Variants in FER observed in about 807,000 individuals in gnomAD.
The protein encoded by FER is FER tyrosine kinase.
A neutral mutation model predicts 111.0 loss-of-function variants in FER; 63 were observed. The ratio of observed to expected loss-of-function variants is 0.57; its 90% confidence interval spans 0.46 to 0.70. The LOEUF (loss-of-function observed/expected upper bound fraction) is 0.70, where lower values mean the gene tolerates loss of function less well. Ranked by LOEUF, FER falls within the 30% of genes least tolerant of loss-of-function variation. The pLI, the probability that FER is intolerant of heterozygous loss-of-function variation, is 0.00. For synonymous variants in FER, 327 were observed against 313.9 expected, an observed-to-expected ratio of 1.04 and a Z score of -0.44; for missense variants, 914 against 954.0, an observed-to-expected ratio of 0.96 and a Z score of 0.55.
At chr5:108,974,171 A>G (rs1424811833) in intron 13 of FER, among the ~76,000 whole-genome samples, 3 of 152,222 alleles carry the variant, frequency 2.0e-5, no homozygotes, top group Non-Finnish European at 4.4e-5. Context: ...AGTGATGACT[A>G]TGACAATATT....
At chr5:108,753,642 T>C (rs1750744951) in intron 1 of FER, among the ~76,000 whole-genome samples, 1 of 152,262 alleles carries the variant, frequency 6.6e-6, no homozygotes, top group South Asian at 2.1e-4. Context: ...TTTTTAAATT[T>C]AATAATACCC....
chr5:108,971,515 T>G (rs1760662179), intron 13 of FER, among the ~76,000 whole-genome samples: 1 of 152,142 alleles, frequency 6.6e-6, no homozygotes, highest in Non-Finnish European at 1.5e-5. Context: ...TAAAGCAAAA[T>G]TTTACTGCCA....
Position 109,191,956 on chromosome 5 carries a change from A to G in FER, c.*4381A>G, listed in dbSNP as rs1327858357. The G allele has an allele frequency of 6.6e-6, 1 of 152,190 alleles. No individual in the cohort carries two copies. Among genetic ancestry groups the G allele is most frequent in the Admixed American group, 6.5e-5 (1 of 15,270 alleles). The allele number at this position is 152,190 out of a possible 1,614,324, so 9.4% of individuals were successfully genotyped here. A position where few individuals can be genotyped will look rare whatever the true frequency, so the allele number is the denominator to read the frequency against. ...AAAAATGCTGTCCTACAGAAGGTGT[A>G]TAAACTATACCTTAGCCATAATTCA... On this transcript the variant is annotated 3_prime_UTR_variant, in exon 20 of 20. Coordinates refer to ENST00000281092, the MANE Select transcript of FER (RefSeq NM_005246.4).
intron 13 of FER, among the ~76,000 whole-genome samples, chr5:108,974,598 C>G (rs531344923): frequency 6.6e-6 from 1 of 152,146 alleles, no homozygotes; most frequent in Non-Finnish European, 1.5e-5. Context: ...CATTACAAAG[C>G]AAAAGGAATT....
At chr5:108,760,386 G>T (rs1357907365) in intron 1 of FER, among the ~76,000 whole-genome samples, 1 of 152,206 alleles carries the variant, frequency 6.6e-6, no homozygotes, top group African/African-American at 2.4e-5. Flanking sequence ...ACAAGAGTCA[G>T]TCTGTCCTTT....
In FER at chr5:109,193,372, T is replaced by C. The variant is rs1048128211; in HGVS notation, c.*5797T>C. 6.6e-6 allele frequency: 1 copy of C among 152,132 alleles called. No homozygotes were observed. The highest frequency in any genetic ancestry group is 2.4e-5 in the African/African-American group (1 of 41,422). 9.4% of individuals were successfully genotyped at this position (152,132 alleles called of 1,614,324 possible). A position where few individuals can be genotyped will look rare whatever the true frequency, so the allele number is the denominator to read the frequency against. On this transcript the variant is annotated 3_prime_UTR_variant, in exon 20 of 20. Coordinates refer to ENST00000281092, the MANE Select transcript of FER (RefSeq NM_005246.4). ...TTAATTTTAATATAGAAAAAGTCTT[T>C]CAGGTTTGTGACACGAAGACAGATT...
At chr5:108,843,563 C>T (rs994204943) in intron 5 of FER, among the ~76,000 whole-genome samples, 2 of 149,398 alleles carry the variant, frequency 1.3e-5, no homozygotes, top group African/African-American at 4.9e-5. Context: ...TGGAGTCTCG[C>T]TCTGTCGCCA....
chr5:109,070,319 G>T (rs1165054654), intron 16 of FER, among the ~76,000 whole-genome samples: 1 of 151,952 alleles, frequency 6.6e-6, no homozygotes, highest in African/African-American at 2.4e-5. Context: ...ATCCAGTTCA[G>T]TATAATATGT....
At chr5:108,768,270 C>T (rs981873682) in intron 2 of FER, 32 bp downstream of exon 2, 4 of 152,194 alleles carry the variant, frequency 2.6e-5, no homozygotes, top group Non-Finnish European at 5.9e-5. Context: ...TAGTAAGTTA[C>T]TAAACCGTTT....
chr5:108,811,406 A>G (rs1349590532), intron 3 of FER, among the ~76,000 whole-genome samples: 1 of 152,168 alleles, frequency 6.6e-6, no homozygotes, highest in Non-Finnish European at 1.5e-5. Context: ...TCAAGAATCT[A>G]TTTTGTATCA....
chr5:109,180,113 C>T (rs1219476380), intron 17 of FER, among the ~76,000 whole-genome samples: 1 of 152,030 alleles, frequency 6.6e-6, no homozygotes, highest in Non-Finnish European at 1.5e-5. Context: ...AAAAGAAGCC[C>T]AGTATGGATG....
chr5:109,141,106 G>A (rs553274421), intron 17 of FER, among the ~76,000 whole-genome samples: 4 of 152,250 alleles, frequency 2.6e-5, no homozygotes, highest in South Asian at 2.1e-4. Flanking sequence ...TTCAGAGGGC[G>A]TACAGGTGGC....
chr5:109,073,558 C>T (rs1037598242), intron 16 of FER, among the ~76,000 whole-genome samples: 5 of 152,120 alleles, frequency 3.3e-5, no homozygotes, highest in East Asian at 3.8e-4. Flanking sequence ...ATATAAATAT[C>T]TAATGGGGAA....
intron 17 of FER, among the ~76,000 whole-genome samples, chr5:109,175,356 A>C (rs1470473853): frequency 2.0e-4 from 31 of 152,212 alleles, no homozygotes; most frequent in Non-Finnish European, 2.9e-5. Flanking sequence ...CATTTCACAA[A>C]TGAGAAAACT....
intron 5 of FER, among the ~76,000 whole-genome samples, chr5:108,865,238 C>G (rs553650061): frequency 5.5e-4 from 84 of 152,264 alleles, no homozygotes; most frequent in African/African-American, 1.6e-3. Flanking sequence ...TGCCTATCAG[C>G]TTAAGGAGAT....
intron 16 of FER, among the ~76,000 whole-genome samples, chr5:109,064,927 T>C (rs1193882958): frequency 1.3e-5 from 2 of 152,180 alleles, no homozygotes; most frequent in Non-Finnish European, 2.9e-5. Flanking sequence ...TGGAAAAGTC[T>C]TAAAATTCCA....
At chr5:108,868,250 C>T (rs1764265757) in intron 6 of FER, among the ~76,000 whole-genome samples, 1 of 151,874 alleles carries the variant, frequency 6.6e-6, no homozygotes, top group Admixed American at 6.6e-5. Context: ...ATATCTGCCT[C>T]CAGAGAGTTG....
At chr5:109,021,847 G>T (rs1767972638) in intron 13 of FER, among the ~76,000 whole-genome samples, 1 of 151,966 alleles carries the variant, frequency 6.6e-6, no homozygotes, top group African/African-American at 2.4e-5. Context: ...ATTACTACAA[G>T]AAGTAAAATC....
chr5:109,072,007 C>T (rs1049787540), intron 16 of FER, among the ~76,000 whole-genome samples: 2 of 150,592 alleles, frequency 1.3e-5, no homozygotes, highest in African/African-American at 4.9e-5. Flanking sequence ...ATGTTACGAA[C>T]CTAATTCTTC....
Sources: allele counts gnomAD v4.1 joint callset (sites outside exome capture counted in the v4.1 genomes callset), GRCh38; gene constraint gnomAD v4.1.1; transcripts MANE v1.5; gene names NCBI Gene and HGNC (gene_info 2026-07-23, HGNC 2026-07-21).